ATP8A1: variants seen among roughly 807,000 people sequenced by gnomAD.
ATP8A1 encodes the protein ATPase phospholipid transporting 8A1.
A neutral mutation model predicts 177.7 loss-of-function variants in ATP8A1; 90 were observed. The observed-to-expected ratio is 0.51, with a 90% CI of 0.43 to 0.60. The LOEUF (loss-of-function observed/expected upper bound fraction) is 0.60. ATP8A1 is among the 20% of genes least tolerant of loss of function. The probability of loss-of-function intolerance (pLI) is 0.00; values close to 1 mark genes in which losing one functional copy is unlikely to be tolerated. For synonymous variants in ATP8A1, 493 were observed against 485.9 expected (o/e 1.01, Z -0.19); for missense variants, 1,072 against 1,392.8 (o/e 0.77, Z 3.67).
chr4:42,597,838 C>T (rs1457019961), intron 6 of ATP8A1, among the ~76,000 whole-genome samples: 1 of 152,024 alleles, frequency 6.6e-6, no homozygotes, highest in Non-Finnish European at 1.5e-5. Context: ...AAAAATAAAT[C>T]TGAAATGTTT....
chr4:42,568,531 G>A (rs1731580359), intron 15 of ATP8A1, among the ~76,000 whole-genome samples: 1 of 151,930 alleles, frequency 6.6e-6, no homozygotes, highest in Non-Finnish European at 1.5e-5. Flanking sequence ...CAAAGGGGAG[G>A]AATTTTAAGG....
chr4:42,643,178 C>A (rs564265230), intron 1 of ATP8A1, among the ~76,000 whole-genome samples: 1 of 152,072 alleles, frequency 6.6e-6, no homozygotes, highest in African/African-American at 2.4e-5. Context: ...TTCCCAGATA[C>A]CTAAAATTCA....
chr4:42,466,897 A>T (rs1719833988), intron 25 of ATP8A1, among the ~76,000 whole-genome samples: 1 of 152,280 alleles, frequency 6.6e-6, no homozygotes, highest in African/African-American at 2.4e-5. Flanking sequence ...AATGTCAAAA[A>T]GGAATGCTCA....
chr4:42,535,508 A>C (rs1035323075), intron 20 of ATP8A1, among the ~76,000 whole-genome samples: 1 of 152,178 alleles, frequency 6.6e-6, no homozygotes, highest in African/African-American at 2.4e-5. Flanking sequence ...GCAGCACAAT[A>C]ATAGTGGGGG....
At chr4:42,617,156 C>G (rs1577710290) in intron 4 of ATP8A1, among the ~76,000 whole-genome samples, 1 of 152,172 alleles carries the variant, frequency 6.6e-6, no homozygotes, top group African/African-American at 2.4e-5. Flanking sequence ...AGAGAAAAAT[C>G]TAGAAGTGTG....
At chr4:42,614,881 A>C (rs973883391) in intron 5 of ATP8A1, among the ~76,000 whole-genome samples, 2 of 152,224 alleles carry the variant, frequency 1.3e-5, no homozygotes, top group East Asian at 3.9e-4. Context: ...TGTTCATCCA[A>C]TGTCCTCCTA....
Position 42,633,599 on chromosome 4 carries a change from T to C in ATP8A1, c.50-6490A>G, listed in dbSNP as rs1738969749. Among the ~76,000 whole-genome samples the C allele has an allele frequency of 3.9e-5, 6 of 152,306 alleles. No homozygotes were observed. The South Asian group carries it at 1.2e-3, about 32-fold the overall frequency. On this transcript the variant is annotated intron_variant, in intron 1 of 36. Coordinates refer to ENST00000381668, the MANE Select transcript of ATP8A1 (RefSeq NM_006095.2). The stretch of plus-strand genomic sequence containing the variant: ...AATGAGGAAGAAAATAAACAAGTGA[T>C]TGTAGAACAATTGACAGAAGTCTCT...
intron 6 of ATP8A1, among the ~76,000 whole-genome samples, chr4:42,592,167 C>T (rs1333786216): frequency 3.3e-5 from 5 of 152,100 alleles, no homozygotes; most frequent in African/African-American, 1.2e-4. Context: ...TTGAATTCTA[C>T]TCAATAACAA....
chr4:42,640,364 T>TA (rs1319542575), intron 1 of ATP8A1, among the ~76,000 whole-genome samples: 1 of 152,186 alleles, frequency 6.6e-6, no homozygotes, highest in Admixed American at 6.5e-5. Flanking sequence ...ATGTTTCCTC[T>TA]AAAAAAGGTC....
chr4:42,615,268 G>A (rs1454383655), intron 5 of ATP8A1, among the ~76,000 whole-genome samples: 1 of 152,078 alleles, frequency 6.6e-6, no homozygotes, highest in Non-Finnish European at 1.5e-5. Context: ...AAGAAGCAGG[G>A]AATTTTGACA....
In ATP8A1 at chr4:42,606,709, A is replaced by G. The variant is rs143805575; in HGVS notation, c.410-6191T>C. Reference sequence around the variant, plus strand: ...CAGCTGCATCATAAAGCATTCAACTATTCTCCCCCTGGTGCAAATTCTGAC... The same window carrying G: ...CAGCTGCATCATAAAGCATTCAACTGTTCTCCCCCTGGTGCAAATTCTGAC... On this transcript the variant is annotated intron_variant, in intron 5 of 36. Coordinates refer to ENST00000381668, the MANE Select transcript of ATP8A1 (RefSeq NM_006095.2). Among the ~76,000 whole-genome samples the G allele has an allele frequency of 2.0e-5, 3 of 152,188 alleles. No individual in the cohort carries two copies. In the East Asian group the frequency reaches 5.8e-4, roughly 29 times the overall value.
intron 5 of ATP8A1, among the ~76,000 whole-genome samples, chr4:42,609,033 T>G (rs1736107150): frequency 1.3e-5 from 2 of 152,192 alleles, no homozygotes. Flanking sequence ...GAACCATTAG[T>G]GTCCACTGAC....
At chr4:42,584,801 C>G (rs1055606637) in intron 9 of ATP8A1, among the ~76,000 whole-genome samples, 1 of 152,194 alleles carries the variant, frequency 6.6e-6, no homozygotes, top group Non-Finnish European at 1.5e-5. Context: ...GATATATATT[C>G]AACAGCCTCC....
At chr4:42,615,937 C>A in intron 5 of ATP8A1, 96 bp downstream of exon 5, 2 of 1,157,648 alleles carry the variant, frequency 1.7e-6, no homozygotes, top group Non-Finnish European at 1.2e-6. Flanking sequence ...ACTTGAGATG[C>A]ACACTATTTG....
chr4:42,511,431 C>A (rs572653364), intron 22 of ATP8A1, among the ~76,000 whole-genome samples: 37 of 150,408 alleles, frequency 2.5e-4, no homozygotes, highest in Middle Eastern at 3.4e-3. Context: ...TTATGGAATT[C>A]AAAAAAAAAC....
chr4:42,608,440 AC>A (rs1736041946), intron 5 of ATP8A1, among the ~76,000 whole-genome samples: 1 of 151,512 alleles, frequency 6.6e-6, no homozygotes, highest in Admixed American at 6.6e-5. Flanking sequence ...GCTCACTGTA[AC>A]CTCCACCTCT....
At chr4:42,532,412 GA>G (rs1342805333) in intron 20 of ATP8A1, among the ~76,000 whole-genome samples, 1 of 152,024 alleles carries the variant, frequency 6.6e-6, no homozygotes, top group Non-Finnish European at 1.5e-5. Flanking sequence ...CTTGAACCCA[GA>G]AGGTGGAGGT....
chr4:42,448,696 C>A (rs1323326965), intron 30 of ATP8A1, among the ~76,000 whole-genome samples: 2 of 151,170 alleles, frequency 1.3e-5, no homozygotes, highest in Non-Finnish European at 2.9e-5. Context: ...CTAAGCCTGG[C>A]CAACAAGTAG....
At position 42,569,151 on chromosome 4, in the gene ATP8A1, T is replaced by C. The variant is rs200425304; in HGVS notation, c.1340+10A>G. 19 of 1,595,626 alleles carry C rather than the reference T, an allele frequency of 1.2e-5. No homozygotes were observed. Among genetic ancestry groups the C allele is most frequent in the Middle Eastern group, 1.7e-4 (1 of 6,012 alleles). On this transcript the variant is annotated intron_variant, in intron 15 of 36. Transcript: ENST00000381668. Reference sequence around the variant, plus strand: ...GGGATCAATGAGGCAGAAAGTTCCATAGAGCTTACCATTCATCAGGAGAGC... The same window carrying C: ...GGGATCAATGAGGCAGAAAGTTCCACAGAGCTTACCATTCATCAGGAGAGC...
Sources: allele counts gnomAD v4.1 joint callset (sites outside exome capture counted in the v4.1 genomes callset), GRCh38; gene constraint gnomAD v4.1.1; transcripts MANE v1.5; gene names NCBI Gene and HGNC (gene_info 2026-07-23, HGNC 2026-07-21).